The following RRN3 variants were observed in gnomAD, a reference collection of about 807,000 sequenced individuals.
The protein encoded by RRN3 is RNA polymerase I transcription factor RRN3.
RRN3 carries 38 observed loss-of-function variants against 82.3 expected under a neutral mutation model. That is an observed-to-expected ratio of 0.46 (90% CI 0.36 to 0.61). The LOEUF is 0.61. Ranked by LOEUF, RRN3 falls within the 20% of genes least tolerant of loss-of-function variation. The pLI is 0.00. For synonymous variants in RRN3, 284 were observed against 284.3 expected (o/e 1.00, Z 0.01); for missense variants, 726 against 793.1 (o/e 0.92, Z 1.02).
chr16:15,089,798 A>C (rs2046055379), intron 3 of RRN3, among the ~76,000 whole-genome samples: 1 of 150,168 alleles, frequency 6.7e-6, no homozygotes, highest in Non-Finnish European at 1.5e-5. Context: ...AAAAAAAAAA[A>C]AAAAAAAAAA....
Position 15,080,262 on chromosome 16 carries a change from G to A in RRN3, c.667-166C>T, listed in dbSNP as rs549992334. Among the ~76,000 whole-genome samples, 9 of 152,034 alleles carry A rather than the reference G, an allele frequency of 5.9e-5. No homozygotes were observed. In the East Asian group the frequency reaches 7.7e-4, roughly 13 times the overall value. On this transcript the variant is annotated intron_variant, in intron 8 of 17. Coordinates refer to ENST00000198767, the MANE Select transcript of RRN3 (RefSeq NM_018427.5). ...TACTGTTTCTACATGTATTATGTTC[G>A]GTATAATCATTTCAATTATTCCCAG...
At chr16:15,064,127 C>G (rs754761254) in intron 16 of RRN3, among the ~76,000 whole-genome samples, 1 of 151,970 alleles carries the variant, frequency 6.6e-6, no homozygotes, top group Non-Finnish European at 1.5e-5. Context: ...TAAGGCTGGC[C>G]CAGTGGTTTT....
intron 15 of RRN3, among the ~76,000 whole-genome samples, chr16:15,066,075 T>C (rs1391068116): frequency 1.3e-5 from 2 of 152,244 alleles, no homozygotes; most frequent in Admixed American, 6.5e-5. Context: ...ATCTCACTTC[T>C]GTCACTCTCC....
At chr16:15,071,358 T>C (rs1454677691) in intron 12 of RRN3, 107 bp from the exon 13 acceptor site, 3 of 1,023,862 alleles carry the variant, frequency 2.9e-6, no homozygotes, top group African/African-American at 1.6e-5. Flanking sequence ...AGTTCTACTA[T>C]CTCATAACTA....
intron 9 of RRN3, among the ~76,000 whole-genome samples, chr16:15,079,414 C>T (rs2045603833): frequency 6.6e-6 from 1 of 152,206 alleles, no homozygotes; most frequent in African/African-American, 2.4e-5. Flanking sequence ...GTGATTCTAT[C>T]AGGTTCTCTA....
At position 15,068,216 on chromosome 16, in the gene RRN3, C is replaced by A. The variant is rs772317742; in HGVS notation, c.1506G>T (p.Leu502=). The part of the protein sequence containing the change: ...ERIVMSQLNP[L]KICLPSVVNF... ...TAACCACTGAGGGCAGGCAAATCTT[C>A]AGGGGATTTAGCTGGCTCATCACTA... Residue 502 remains leucine, a synonymous_variant, in exon 15 of 18, where the codon CTG becomes CTT. Transcript: ENST00000198767. The A allele has an allele frequency of 1.9e-6, 3 of 1,596,566 alleles. No homozygotes were observed. In the South Asian group the frequency reaches 3.4e-5, roughly 18 times the overall value.
Position 15,071,835 on chromosome 16 carries a change from C to T in RRN3, c.1129-584G>A, listed in dbSNP as rs145481945. Among the ~76,000 whole-genome samples the T allele has an allele frequency of 5.4e-3, 816 of 152,204 alleles. 7 individuals are homozygous for T. Among genetic ancestry groups the T allele is most frequent in the African/African-American group, 0.018 (763 of 41,530 alleles). ...AGGTACAAATTCAATAGGTTTGTGA[C>T]AGGGCTTTGGAATCCACATATTACA... On this transcript the variant is annotated intron_variant, in intron 12 of 17. Coordinates refer to ENST00000198767, the MANE Select transcript of RRN3 (RefSeq NM_018427.5).
At chr16:15,094,288 G>A, upstream of RRN3, 1 of 1,403,376 alleles carries the variant, frequency 7.1e-7, no homozygotes, top group Non-Finnish European at 9.8e-7. Flanking sequence ...GCTCCTTCCA[G>A]CCACAGCCTC....
chr16:15,061,826 C>A lies in RRN3; in HGVS notation c.1874G>T (p.Ser625Ile), dbSNP rs1351299268. Residue 625 changes from serine to isoleucine, a missense_variant, in exon 18 of 18, where the codon AGC becomes ATC. By Grantham distance (142) the Ser-to-Ile change is moderately radical. This residue lies in a region of RRN3 where 166 missense variants were observed against 154.8 expected (regional missense o/e 1.07). Coordinates refer to ENST00000198767, the MANE Select transcript of RRN3 (RefSeq NM_018427.5). ...ACTTCGGAAATGCGTGTCAAAGGAG[C>A]TTGGTGTGATCCCAATCACGGTATC... ...QNDTVIGITPSSFDTHFRSPS... is the reference protein window; with the variant it reads ...QNDTVIGITPISFDTHFRSPS... 6.2e-7 allele frequency: 1 copy of A among 1,614,182 alleles called. No homozygotes were observed. Among genetic ancestry groups the A allele is most frequent in the South Asian group, 1.1e-5 (1 of 91,082 alleles).
rs761062517 is a variant in RRN3 at position 15,094,211 on chromosome 16, G to A, written c.23C>T (p.Thr8Met). The A allele has an allele frequency of 4.4e-6, 7 of 1,596,006 alleles. No individual in the cohort carries two copies. The highest frequency in any genetic ancestry group is 3.5e-5 in the Admixed American group (2 of 57,164). The change falls in exon 1 of 18, where the codon ACG (threonine) becomes ATG (methionine). Residue 8 changes from threonine to methionine, a missense_variant. Physicochemically the swap from Thr to Met is moderately conservative, Grantham distance 81. Around this residue, in one of 4 missense-constraint regions of RRN3, gnomAD observed 135 missense variants for 87.4 expected, o/e 1.55. Coordinates refer to ENST00000198767, the MANE Select transcript of RRN3 (RefSeq NM_018427.5). ...AGCGGCCGCATCTCCCGGCAAACGC[G>A]TGTGAAGCAGCGGTGCCGCCATTGG... MAAPLLH[T>M]RLPGDAAASS...
chr16:15,086,603 G>C (rs1167582343), intron 3 of RRN3, 149 bp from the exon 4 acceptor site: 2 of 1,182,820 alleles, frequency 1.7e-6, no homozygotes, highest in Non-Finnish European at 2.4e-6. Flanking sequence ...TATTAAAACA[G>C]AAAAAGATGT....
chr16:15,061,961 C>T, intron 17 of RRN3, 56 bp from the exon 18 acceptor site: 1 of 1,506,270 alleles, frequency 6.6e-7, no homozygotes, highest in Non-Finnish European at 9.1e-7. Context: ...GAAAAGCTTT[C>T]AACAATTCCT....
chr16:15,089,725 G>C (rs1300888766), intron 3 of RRN3, among the ~76,000 whole-genome samples: 2 of 137,992 alleles, frequency 1.4e-5, no homozygotes, highest in African/African-American at 5.4e-5. Context: ...GCTTGAACCC[G>C]GGAGGCGGAG....
chr16:15,063,719 A>AAG (rs2044825563), intron 16 of RRN3, among the ~76,000 whole-genome samples: 1 of 151,108 alleles, frequency 6.6e-6, no homozygotes, highest in South Asian at 2.1e-4. Flanking sequence ...AAAAAAAAAA[A>AAG]AAAGAAAAAA....
chr16:15,082,660 G>A (rs2045755634), intron 8 of RRN3, among the ~76,000 whole-genome samples: 1 of 151,678 alleles, frequency 6.6e-6, no homozygotes, highest in Admixed American at 6.6e-5. Context: ...GTGACAGACG[G>A]AGACTGTCCC....
chr16:15,073,108 T>C (rs1170490974), intron 11 of RRN3, 28 bp from the exon 12 acceptor site: 3 of 1,601,242 alleles, frequency 1.9e-6, no homozygotes, highest in Non-Finnish European at 2.5e-6. Context: ...CATCTCAGTT[T>C]TTATAAAGAC....
intron 1 of RRN3, among the ~76,000 whole-genome samples, chr16:15,093,718 G>T (rs537499384): frequency 3.3e-5 from 5 of 152,278 alleles, no homozygotes; most frequent in Admixed American, 3.3e-4. Context: ...TAAAGACTGC[G>T]AAACAAATAC....
At chr16:15,066,296 G>A (rs1224407513) in intron 15 of RRN3, among the ~76,000 whole-genome samples, 1 of 152,106 alleles carries the variant, frequency 6.6e-6, no homozygotes. Context: ...GTGTGACAAG[G>A]AAGCATGTGC....
At chr16:15,086,664 C>T (rs1226275952) in intron 3 of RRN3, among the ~76,000 whole-genome samples, 1 of 152,128 alleles carries the variant, frequency 6.6e-6, no homozygotes, top group Non-Finnish European at 1.5e-5. Flanking sequence ...AACTCTAATA[C>T]ACAGGAGAAA....
Sources: allele counts gnomAD v4.1 joint callset (sites outside exome capture counted in the v4.1 genomes callset), GRCh38; gene constraint gnomAD v4.1.1; regional missense constraint gnomAD v4.1.1; transcripts MANE v1.5; gene names NCBI Gene and HGNC (gene_info 2026-07-23, HGNC 2026-07-21).